The following SLC39A14 variants were observed in gnomAD, a reference collection of about 807,000 sequenced individuals.
The protein encoded by SLC39A14 is solute carrier family 39 member 14, also known as metal cation symporter ZIP14.
In SLC39A14, 19 loss-of-function variants were observed where a neutral mutation model predicts 45.5. That is an observed-to-expected ratio of 0.42 (90% CI 0.29 to 0.61). The LOEUF is 0.61. Among genes scored for constraint, SLC39A14 ranks in the 20% least tolerant of loss-of-function variants. The pLI is 0.22. For synonymous variants in SLC39A14, 264 were observed against 251.3 expected (o/e 1.05, Z -0.48); for missense variants, 447 against 616.5 (o/e 0.73, Z 2.91).
At chr8:22,368,215 G>C (rs546997438) in intron 1 of SLC39A14, among the ~76,000 whole-genome samples, 1 of 152,132 alleles carries the variant, frequency 6.6e-6, no homozygotes, top group Admixed American at 6.5e-5. Context: ...CTTGTGGCCC[G>C]AATGGAAGCG....
chr8:22,420,316 G>T lies in SLC39A14; in HGVS notation c.*618G>T. The T allele has an allele frequency of 1.0e-6, 1 of 985,492 alleles. No individual in the cohort carries two copies. The highest frequency in any genetic ancestry group is 1.2e-6 in the Non-Finnish European group (1 of 829,974). 61.0% of individuals were successfully genotyped at this position (985,492 alleles called of 1,614,324 possible). A position where few individuals can be genotyped will look rare whatever the true frequency, so the allele number is the denominator to read the frequency against. On this transcript the variant is annotated 3_prime_UTR_variant, in exon 9 of 9. Coordinates refer to ENST00000381237, the MANE Select transcript of SLC39A14 (RefSeq NM_001128431.4). ...GGAGAGGAAGTCGAACCACTGCTGT[G>T]TGTCTTGTCAGGATGCTCACTTGTT...
chr8:22,389,251 T>G (rs1296592111), intron 1 of SLC39A14, among the ~76,000 whole-genome samples: 2 of 152,222 alleles, frequency 1.3e-5, no homozygotes, highest in Admixed American at 1.3e-4. Context: ...GCTAAGAGTT[T>G]GCACTTCCAG....
intron 1 of SLC39A14, among the ~76,000 whole-genome samples, chr8:22,384,718 G>C (rs1207396675): frequency 7.0e-6 from 1 of 143,542 alleles, no homozygotes; most frequent in East Asian, 2.0e-4. Context: ...CTGCACTCTA[G>C]CCTGGGCAAC....
Position 22,383,145 on chromosome 8 carries a change from G to A in SLC39A14, c.-16+15737G>A, listed in dbSNP as rs1021289359. Among the ~76,000 whole-genome samples, 7 of 152,326 alleles carry A rather than the reference G, an allele frequency of 4.6e-5. No individual in the cohort carries two copies. The South Asian group carries it at 1.0e-3, about 23-fold the overall frequency. On this transcript the variant is annotated intron_variant, in intron 1 of 8. Transcript: ENST00000381237. ...ACCACTGCCTCTGCTCAGGAGGATA[G>A]CCTCAGCAAATCATATAGTAAGTTC...
chr8:22,394,660 C>G (rs558599770), intron 1 of SLC39A14, among the ~76,000 whole-genome samples: 1 of 152,062 alleles, frequency 6.6e-6, no homozygotes, highest in East Asian at 1.9e-4. Context: ...TAATGCTCAC[C>G]GTCAGTCCTC....
downstream of SLC39A14, among the ~76,000 whole-genome samples, chr8:22,425,998 TCTC>T (rs1836381293): frequency 1.3e-5 from 2 of 151,512 alleles, no homozygotes; most frequent in African/African-American, 4.8e-5. Context: ...TTCAAGCGAT[TCTC>T]CTGTCTCAGC....
intron 1 of SLC39A14, among the ~76,000 whole-genome samples, chr8:22,397,008 G>A (rs1834525885): frequency 6.6e-6 from 1 of 151,886 alleles, no homozygotes; most frequent in African/African-American, 2.4e-5. Flanking sequence ...TTAATTATCA[G>A]GTGTAGGAAA....
chr8:22,403,117 C>G (rs892908284), intron 1 of SLC39A14, among the ~76,000 whole-genome samples: 116 of 152,148 alleles, frequency 7.6e-4, no homozygotes, highest in African/African-American at 2.7e-3. Context: ...GCTGGGACTA[C>G]AGGCGCCCGC....
chr8:22,410,629 C>T (rs1416185416), intron 3 of SLC39A14, among the ~76,000 whole-genome samples: 3 of 152,140 alleles, frequency 2.0e-5, no homozygotes, highest in Non-Finnish European at 4.4e-5. Context: ...GAGCCAAACA[C>T]AGAACAAAGA....
At chr8:22,397,139 A>AT (rs1292753742) in intron 1 of SLC39A14, among the ~76,000 whole-genome samples, 1 of 152,114 alleles carries the variant, frequency 6.6e-6, no homozygotes, top group Non-Finnish European at 1.5e-5. Context: ...ATAGGGGTTC[A>AT]TTGTAATAAT....
intron 1 of SLC39A14, among the ~76,000 whole-genome samples, chr8:22,382,149 A>G (rs1236627416): frequency 6.6e-6 from 1 of 152,140 alleles, no homozygotes; most frequent in Non-Finnish European, 1.5e-5. Flanking sequence ...CTCAAAAACA[A>G]CAACCAAAAA....
chr8:22,381,477 A>G lies in SLC39A14; in HGVS notation c.-16+14069A>G, dbSNP rs1218654470. Among the ~76,000 whole-genome samples, 39 of 137,672 alleles carry G rather than the reference A, an allele frequency of 2.8e-4. No individual in the cohort carries two copies. The Middle Eastern group carries it at 0.015, about 54-fold the overall frequency. The allele number at this position is 137,672 out of a possible 152,430, so 90.3% of individuals were successfully genotyped here. ...AGTAGAGATGGGGTTTCACCGAGTT[A>G]GACAGGATGGTCTCGATCTCCTGAC... On this transcript the variant is annotated intron_variant, in intron 1 of 8. Transcript: ENST00000381237.
At chr8:22,418,897 G>A (rs1836049300) in intron 8 of SLC39A14, among the ~76,000 whole-genome samples, 2 of 152,110 alleles carry the variant, frequency 1.3e-5, no homozygotes, top group African/African-American at 4.8e-5. Context: ...GCCAGGCATG[G>A]TGGCAGGCAC....
intron 1 of SLC39A14, among the ~76,000 whole-genome samples, chr8:22,373,111 A>G (rs1041044480): frequency 5.3e-5 from 8 of 151,970 alleles, no homozygotes; most frequent in Non-Finnish European, 1.2e-4. Context: ...AAAATACAAA[A>G]AATTAGCTGG....
At chr8:22,373,744 G>T (rs944998743) in intron 1 of SLC39A14, among the ~76,000 whole-genome samples, 1 of 150,138 alleles carries the variant, frequency 6.7e-6, no homozygotes, top group African/African-American at 2.4e-5. Flanking sequence ...ATTCTTCAGG[G>T]TTTTTTGTTT....
Position 22,415,763 on chromosome 8 carries a change from T to G in SLC39A14, c.751-6T>G. On this transcript the variant is annotated splice_polypyrimidine_tract_variant and splice_region_variant and intron_variant, in intron 5 of 8. Coordinates refer to ENST00000381237, the MANE Select transcript of SLC39A14 (RefSeq NM_001128431.4). ...TCATGCTGATCCCTCCCTGTCACCCTTCCAGCATCATCATGGACACAGCCA... is the reference window on the plus strand; with the variant it reads ...TCATGCTGATCCCTCCCTGTCACCCGTCCAGCATCATCATGGACACAGCCA... 1 of 1,608,048 alleles carries G rather than the reference T, an allele frequency of 6.2e-7. No homozygotes were observed. The highest frequency in any genetic ancestry group is 1.3e-5 in the African/African-American group (1 of 74,540).
Position 22,391,399 on chromosome 8 carries a change from T to C in SLC39A14, c.-15-13297T>C, listed in dbSNP as rs188329791. On this transcript the variant is annotated intron_variant, in intron 1 of 8. Transcript: ENST00000381237. ...TTTTTAAAGCCAGCAGGTAATATGC[T>C]AGCTTTTAGTTCAATTAATGTAAAT... 1.8e-4 allele frequency among the ~76,000 whole-genome samples: 28 copies of C among 152,272 alleles called. 1 individual carries two copies. The East Asian group carries it at 4.4e-3, about 24-fold the overall frequency.
At chr8:22,370,759 A>T (rs551948284) in intron 1 of SLC39A14, among the ~76,000 whole-genome samples, 1 of 151,862 alleles carries the variant, frequency 6.6e-6, no homozygotes, top group Non-Finnish European at 1.5e-5. Context: ...GGAGTCTCTT[A>T]CTCTTTCCAG....
At chr8:22,428,079 A>G (rs1836414006) in intron 8 of SLC39A14, among the ~76,000 whole-genome samples, 1 of 152,064 alleles carries the variant, frequency 6.6e-6, no homozygotes, top group South Asian at 2.1e-4. Flanking sequence ...CGGGTGGATC[A>G]CCTGAGGTCA....
Sources: allele counts gnomAD v4.1 joint callset (sites outside exome capture counted in the v4.1 genomes callset), GRCh38; gene constraint gnomAD v4.1.1; transcripts MANE v1.5; gene names NCBI Gene and HGNC (gene_info 2026-07-23, HGNC 2026-07-21).